The following BCAS3 variants were observed in gnomAD, a reference collection of about 807,000 sequenced individuals.
BCAS3 encodes the protein BCAS4/BCAS3 fusion.
Under a neutral mutation model 116.1 loss-of-function variants are expected in BCAS3, and 53 were observed. The observed-to-expected ratio is 0.46, with a 90% confidence interval of 0.37 to 0.57. The LOEUF is 0.57. Ranked by LOEUF, BCAS3 falls within the 20% of genes least tolerant of loss-of-function variation. The probability of loss-of-function intolerance (pLI) is 0.00; values close to 1 mark genes in which losing one functional copy is unlikely to be tolerated. For synonymous variants in BCAS3, 391 were observed against 408.2 expected, an observed-to-expected ratio of 0.96 and a Z score of 0.51; for missense variants, 917 against 1,165.4, an observed-to-expected ratio of 0.79 and a Z score of 3.10.
intron 4 of BCAS3, among the ~76,000 whole-genome samples, chr17:60,702,000 A>T (rs570929648): frequency 6.6e-6 from 1 of 151,806 alleles, no homozygotes; most frequent in South Asian, 2.1e-4. Context: ...AAAGAAAAGT[A>T]TGTCTCTCTC....
intron 15 of BCAS3, among the ~76,000 whole-genome samples, chr17:61,000,932 T>C (rs1210977633): frequency 6.6e-6 from 1 of 152,178 alleles, no homozygotes; most frequent in Non-Finnish European, 1.5e-5. Flanking sequence ...TTCTTAATTT[T>C]GCAAATTAGT....
intron 22 of BCAS3, among the ~76,000 whole-genome samples, chr17:61,216,991 A>G (rs943998055): frequency 1.3e-5 from 2 of 151,908 alleles, no homozygotes; most frequent in African/African-American, 2.4e-5. Flanking sequence ...TCAAGTTAGC[A>G]CTAGTTTTGG....
intron 14 of BCAS3, among the ~76,000 whole-genome samples, chr17:60,977,165 CAA>C (rs1844853408): frequency 6.6e-6 from 1 of 152,062 alleles, no homozygotes; most frequent in East Asian, 1.9e-4. Context: ...CCCCACGAAA[CAA>C]TATTTTTTAA....
chr17:60,900,186 TA>T lies in BCAS3; in HGVS notation c.739-2419del, dbSNP rs199821853. ...TGCAACATAGTGAGACGCTGTCTCTTAAAAAAAAAAAAAAAGAAAGAAAGAA... is the reference window on the plus strand; with the variant it reads ...TGCAACATAGTGAGACGCTGTCTCTTAAAAAAAAAAAAAAGAAAGAAAGAA... On this transcript the variant is annotated intron_variant, in intron 10 of 23. Coordinates refer to ENST00000407086, the MANE Select transcript of BCAS3 (RefSeq NM_017679.5). 958 of 111,446 alleles carry T rather than the reference TA, an allele frequency of 8.6e-3. 1 individual carries two copies. The highest frequency in any genetic ancestry group is 0.011 in the East Asian group (47 of 4,446). The allele number at this position is 111,446 out of a possible 1,614,324, so 6.9% of individuals were successfully genotyped here.
At chr17:60,913,141 T>C (rs2058604289) in intron 12 of BCAS3, among the ~76,000 whole-genome samples, 2 of 152,080 alleles carry the variant, frequency 1.3e-5, no homozygotes, top group Non-Finnish European at 2.9e-5. Flanking sequence ...TTGCAAAAGT[T>C]CATTTGTCTG....
chr17:61,046,211 T>C (rs2068333695), intron 19 of BCAS3, among the ~76,000 whole-genome samples: 1 of 136,258 alleles, frequency 7.3e-6, no homozygotes, highest in Non-Finnish European at 1.5e-5. Context: ...ACTTTATTAC[T>C]CTCTTGCTTT....
intron 19 of BCAS3, among the ~76,000 whole-genome samples, chr17:61,054,152 C>T (rs917505668): frequency 2.2e-4 from 33 of 152,170 alleles, no homozygotes; most frequent in African/African-American, 7.2e-4. Context: ...TCCATCTCTT[C>T]GCATAGATCT....
In BCAS3 at chr17:61,049,764, C is replaced by T. The variant is rs556738066; in HGVS notation, c.2029+8872C>T. Among the ~76,000 whole-genome samples, 365 of 132,706 alleles carry T rather than the reference C, an allele frequency of 2.8e-3. 4 individuals are homozygous for T. The highest frequency in any genetic ancestry group is 0.011 in the African/African-American group (351 of 32,684). The allele number at this position is 132,706 out of a possible 152,430, so 87.1% of individuals were successfully genotyped here. On this transcript the variant is annotated intron_variant, in intron 19 of 23. Coordinates refer to ENST00000407086, the MANE Select transcript of BCAS3 (RefSeq NM_017679.5). ...TTTTTTTTTTTGAGACGGAGTTTCA[C>T]TCTTGTTGCCCAGGCTAGAGTGCAA...
chr17:60,850,463 A>T (rs1326090200), intron 7 of BCAS3, among the ~76,000 whole-genome samples: 2 of 142,146 alleles, frequency 1.4e-5, no homozygotes, highest in African/African-American at 5.3e-5. Flanking sequence ...AGTTCAAATG[A>T]TTCTTCTGTC....
At chr17:60,823,859 G>A (rs2050162016) in intron 7 of BCAS3, among the ~76,000 whole-genome samples, 1 of 152,058 alleles carries the variant, frequency 6.6e-6, no homozygotes, top group African/African-American at 2.4e-5. Context: ...GACTATGCCA[G>A]GTTTTTGTTT....
chr17:61,337,286 T>C lies in BCAS3; in HGVS notation c.2426-31041T>C, dbSNP rs989053657. Among the ~76,000 whole-genome samples, 2 of 152,178 alleles carry C rather than the reference T, an allele frequency of 1.3e-5. No homozygotes were observed. The highest frequency in any genetic ancestry group is 2.4e-5 in the African/African-American group (1 of 41,452). ...CAGGTTCACGTATCTTGGGAAGTTA[T>C]TGGTGGAGAGCACTGGTGTTCCTGG... On this transcript the variant is annotated intron_variant, in intron 22 of 23. Coordinates refer to ENST00000407086, the MANE Select transcript of BCAS3 (RefSeq NM_017679.5). This position sits in a 1 kb window ranked among gnomAD's most constrained non-coding sequence, Gnocchi z 4.8.
intron 22 of BCAS3, among the ~76,000 whole-genome samples, chr17:61,312,464 A>C (rs1474365176): frequency 6.6e-6 from 1 of 151,822 alleles, no homozygotes; most frequent in Admixed American, 6.6e-5. Flanking sequence ...TTCAGGATGG[A>C]CTCTCCGAAC....
intron 14 of BCAS3, among the ~76,000 whole-genome samples, chr17:60,952,718 G>A (rs1053267542): frequency 6.6e-6 from 1 of 152,056 alleles, no homozygotes; most frequent in East Asian, 1.9e-4. Flanking sequence ...TGCCATTCAG[G>A]TACTAGGCCT....
At chr17:60,895,132 A>G (rs991967918) in intron 10 of BCAS3, among the ~76,000 whole-genome samples, 11 of 152,024 alleles carry the variant, frequency 7.2e-5, no homozygotes, top group African/African-American at 2.7e-4. Flanking sequence ...AGTTTCAGGA[A>G]AATTGGTGAT....
chr17:61,246,421 G>A (rs1020438086), intron 22 of BCAS3, among the ~76,000 whole-genome samples: 1 of 139,684 alleles, frequency 7.2e-6, no homozygotes, highest in African/African-American at 2.7e-5. Flanking sequence ...GCTAAGACTC[G>A]AGATGGTGCC....
chr17:61,094,733 A>G (rs1601185903), intron 22 of BCAS3, among the ~76,000 whole-genome samples: 2 of 152,324 alleles, frequency 1.3e-5, no homozygotes, highest in East Asian at 1.9e-4. Context: ...AAGCCCAGCT[A>G]CTTGGGAGGC....
chr17:61,207,906 T>C (rs887568867), intron 22 of BCAS3, among the ~76,000 whole-genome samples: 1 of 152,196 alleles, frequency 6.6e-6, no homozygotes, highest in Non-Finnish European at 1.5e-5. Flanking sequence ...CTGTTTTTGC[T>C]GAGATCTTAT....
chr17:61,110,383 C>A (rs995966967), intron 22 of BCAS3, among the ~76,000 whole-genome samples: 6 of 152,192 alleles, frequency 3.9e-5, no homozygotes, highest in African/African-American at 1.4e-4. Flanking sequence ...TCAGTGGGTG[C>A]GCGCACCGTG....
At chr17:60,980,531 T>G (rs2062736779) in intron 14 of BCAS3, 1 of 148,184 alleles carries the variant, frequency 6.7e-6, no homozygotes, top group South Asian at 2.1e-4. Flanking sequence ...TTAATGGTAT[T>G]CTTTTTTTTT....
Sources: allele counts gnomAD v4.1 joint callset (sites outside exome capture counted in the v4.1 genomes callset), GRCh38; gene constraint gnomAD v4.1.1; non-coding constraint Gnocchi (gnomAD v3.1); transcripts MANE v1.5; gene names NCBI Gene and HGNC (gene_info 2026-07-23, HGNC 2026-07-21).